NF1: variants seen among roughly 807,000 people sequenced by gnomAD.
NF1 encodes the protein neurofibromin.
A neutral mutation model predicts 325.7 loss-of-function variants in NF1; 122 were observed. That is an observed-to-expected ratio of 0.37 (90% CI 0.32 to 0.44). The LOEUF is 0.44. NF1 is among the 20% of genes least tolerant of loss of function. The probability of loss-of-function intolerance (pLI) is 1.00; values close to 1 mark genes in which losing one functional copy is unlikely to be tolerated. For missense variants in NF1, 2,140 were observed against 3,415.4 expected, an observed-to-expected ratio of 0.63 and a Z score of 9.31; for synonymous variants, 1,091 against 1,186.0, an observed-to-expected ratio of 0.92 and a Z score of 1.65.
intron 36 of NF1, among the ~76,000 whole-genome samples, chr17:31,301,613 A>T (rs968448253): frequency 3.3e-5 from 5 of 152,138 alleles, no homozygotes; most frequent in Admixed American, 3.3e-4. Flanking sequence ...GACTTATGTG[A>T]TATATGTATG....
intron 14 of NF1, among the ~76,000 whole-genome samples, chr17:31,220,339 A>G (rs1028039654): frequency 1.8e-4 from 28 of 152,142 alleles, no homozygotes. Flanking sequence ...GTACATTGCT[A>G]TTGGTCCCGT....
intron 54 of NF1, chr17:31,358,118 G>T (rs1403005903): frequency 1.1e-5 from 3 of 278,054 alleles, no homozygotes; most frequent in Non-Finnish European, 2.1e-5. Context: ...CTTCCTAAGC[G>T]CATGTCAGTA....
intron 1 of NF1, among the ~76,000 whole-genome samples, chr17:31,148,121 A>G (rs1486819216): frequency 1.3e-5 from 2 of 152,166 alleles, no homozygotes; most frequent in Non-Finnish European, 2.9e-5. Flanking sequence ...AATTCTTCAA[A>G]CAGGTGATTT....
In NF1 at chr17:31,330,236, A is replaced by C; in HGVS notation, c.5610-60A>C. 5 of 1,444,626 alleles carry C rather than the reference A, an allele frequency of 3.5e-6. No individual in the cohort carries two copies. In the Admixed American group the frequency reaches 6.7e-5, roughly 19 times the overall value. The allele number at this position is 1,444,626 out of a possible 1,614,324, so 89.5% of individuals were successfully genotyped here. ...AATCACAAATTGTATGTTATGAAAA[A>C]ATTTTGGAACTATAAGGAAAAATAC... On this transcript the variant is annotated intron_variant, in intron 38 of 57. Coordinates refer to ENST00000358273, the MANE Select transcript of NF1 (RefSeq NM_001042492.3).
chr17:31,244,505 A>T (rs1013074843), intron 29 of NF1, among the ~76,000 whole-genome samples: 3 of 151,936 alleles, frequency 2.0e-5, no homozygotes, highest in African/African-American at 7.3e-5. Context: ...GGGATGGGTG[A>T]TTTACCTCTG....
chr17:31,360,830 CTTT>C (rs574246252), intron 57 of NF1, 127 bp downstream of exon 57: 392 of 812,792 alleles, frequency 4.8e-4, no homozygotes, highest in South Asian at 8.7e-4. Context: ...TACATTTCTT[CTTT>C]ACCTTGTAAC....
At chr17:31,342,898 A>G (rs1176236210) in intron 47 of NF1, 111 bp from the exon 48 acceptor site, 9 of 1,368,434 alleles carry the variant, frequency 6.6e-6, no homozygotes, top group Non-Finnish European at 9.3e-6. Context: ...AATTTCTCTC[A>G]AATTGAAAGG....
At chr17:31,353,218 G>T (rs2070196257) in intron 51 of NF1, among the ~76,000 whole-genome samples, 1 of 152,102 alleles carries the variant, frequency 6.6e-6, no homozygotes, top group Non-Finnish European at 1.5e-5. Context: ...CGGAAGATAG[G>T]ATTCTTGAAA....
chr17:31,278,408 T>G (rs1483068029), intron 36 of NF1, among the ~76,000 whole-genome samples: 7 of 12,892 alleles, frequency 5.4e-4, no homozygotes, highest in Non-Finnish European at 8.4e-4. Context: ...ATTTTTTGGG[T>G]TTTTTTTTTT....
At chr17:31,309,203 C>T (rs910323319) in intron 36 of NF1, among the ~76,000 whole-genome samples, 7 of 152,172 alleles carry the variant, frequency 4.6e-5, no homozygotes, top group African/African-American at 1.4e-4. Flanking sequence ...CCTTTATTGC[C>T]TCATGTTTTT....
At chr17:31,171,723 G>C (rs1475853498) in intron 5 of NF1, among the ~76,000 whole-genome samples, 1 of 152,158 alleles carries the variant, frequency 6.6e-6, no homozygotes, top group Admixed American at 6.5e-5. Flanking sequence ...GGCTCTTGGT[G>C]ACAGTGGTAA....
chr17:31,375,017 T>A lies in NF1; in HGVS notation c.*862T>A, dbSNP rs2070711319. On this transcript the variant is annotated 3_prime_UTR_variant, in exon 58 of 58. Transcript: ENST00000358273. Reference sequence around the variant, plus strand: ...AACTATACTAAGTATAGTAATTATATATATATATATATTTTTTCCCCTCCC... The same window carrying A: ...AACTATACTAAGTATAGTAATTATAAATATATATATATTTTTTCCCCTCCC... 1 of 199,766 alleles carries A rather than the reference T, an allele frequency of 5.0e-6. No individual in the cohort carries two copies. The highest frequency in any genetic ancestry group is 1.0e-5 in the Non-Finnish European group (1 of 97,216). 12.4% of individuals were successfully genotyped at this position (199,766 alleles called of 1,614,324 possible).
At chr17:31,223,821 G>T (rs1394847378) in intron 16 of NF1, among the ~76,000 whole-genome samples, 3 of 152,134 alleles carry the variant, frequency 2.0e-5, no homozygotes, top group Non-Finnish European at 4.4e-5. Context: ...TCTCTATGGG[G>T]CAGGCCTAGG....
At chr17:31,319,103 T>C in intron 36 of NF1, 2 of 1,406,282 alleles carry the variant, frequency 1.4e-6, no homozygotes, top group Non-Finnish European at 9.6e-7. Context: ...TAAAAGATAG[T>C]GTTGAGATGT....
chr17:31,276,568 T>G (rs182534283), intron 36 of NF1, among the ~76,000 whole-genome samples: 37 of 152,352 alleles, frequency 2.4e-4, no homozygotes, highest in Admixed American at 2.4e-3. Flanking sequence ...TGCAAATGCC[T>G]TATCTGCATA....
At chr17:31,097,729 C>T (rs1911883414) in intron 1 of NF1, among the ~76,000 whole-genome samples, 1 of 151,804 alleles carries the variant, frequency 6.6e-6, no homozygotes, top group African/African-American at 2.4e-5. Context: ...CAAGGTCTTG[C>T]TCTGTCGCCC....
At chr17:31,261,434 T>A (rs1033067737) in intron 34 of NF1, among the ~76,000 whole-genome samples, 37 of 152,294 alleles carry the variant, frequency 2.4e-4, no homozygotes, top group African/African-American at 3.1e-4. Flanking sequence ...CCAAATTATT[T>A]TTAAATGCCA....
At chr17:31,200,920 C>A in intron 9 of NF1, 117 bp from the exon 10 acceptor site, 1 of 1,409,142 alleles carries the variant, frequency 7.1e-7, no homozygotes, top group Non-Finnish European at 1.0e-6. Context: ...TGTGCTTCTT[C>A]TGGCAGCTGG....
At chr17:31,222,416 A>C (rs2066940737) in intron 15 of NF1, 2 of 1,033,284 alleles carry the variant, frequency 1.9e-6, no homozygotes, top group Non-Finnish European at 2.3e-6. Flanking sequence ...TTCCTAGATT[A>C]TACAAATCAT....
Sources: allele counts gnomAD v4.1 joint callset (sites outside exome capture counted in the v4.1 genomes callset), GRCh38; gene constraint gnomAD v4.1.1; transcripts MANE v1.5; gene names NCBI Gene and HGNC (gene_info 2026-07-23, HGNC 2026-07-21).